Variants in CYP19A1 observed in about 807,000 individuals in gnomAD.
CYP19A1 encodes the protein cytochrome P450 family 19 subfamily A member 1.
Under a neutral mutation model 44.4 loss-of-function variants are expected in CYP19A1, and 32 were observed. The observed-to-expected ratio is 0.72, with a 90% CI of 0.54 to 0.97. CYP19A1 has a LOEUF of 0.97. Among genes scored for constraint, CYP19A1 ranks in the 50% least tolerant of loss-of-function variants. The pLI, the probability that CYP19A1 is intolerant of heterozygous loss-of-function variation, is 0.00. For synonymous variants in CYP19A1, 212 were observed against 215.6 expected, an observed-to-expected ratio of 0.98 and a Z score of 0.14; for missense variants, 598 against 637.8, an observed-to-expected ratio of 0.94 and a Z score of 0.67.
Position 51,216,892 on chromosome 15 carries a change from T to G in CYP19A1, c.744-1075A>C, listed in dbSNP as rs577262253. 2.6e-5 allele frequency among the ~76,000 whole-genome samples: 4 copies of G among 152,278 alleles called. No individual in the cohort carries two copies. In the East Asian group the frequency reaches 7.7e-4, roughly 29 times the overall value. On this transcript the variant is annotated intron_variant, in intron 6 of 9. Coordinates refer to ENST00000396402, the MANE Select transcript of CYP19A1 (RefSeq NM_000103.4). ...TGGATGAAAAATAAAGTCACCTTAA[T>G]CTAAATTCAATTTTTCTTATCTCTG...
rs552400507 is a variant in CYP19A1, at chr15:51,272,751, G to GA, written c.-38-29802dup. Among the ~76,000 whole-genome samples, 649 of 152,298 alleles carry GA rather than the reference G, an allele frequency of 4.3e-3. 5 individuals are homozygous for GA. Among genetic ancestry groups the GA allele is most frequent in the African/African-American group, 0.015 (617 of 41,554 alleles). ...TATGAAGTTTGTAATTATTATAGGG[G>GA]AAAAAACTGGCCCAGCAGGAGAAAA... On this transcript the variant is annotated intron_variant, in intron 1 of 9. Coordinates refer to ENST00000396402, the MANE Select transcript of CYP19A1 (RefSeq NM_000103.4).
intron 1 of CYP19A1, among the ~76,000 whole-genome samples, chr15:51,281,666 C>A (rs566437648): frequency 6.6e-6 from 1 of 152,088 alleles, no homozygotes; most frequent in South Asian, 2.1e-4. Flanking sequence ...GCTTGGCTGG[C>A]CAGAGGTAAT....
rs117458876 is a variant in CYP19A1 at position 51,285,544 on chromosome 15, A to G, written c.-38-42594T>C. Among the ~76,000 whole-genome samples the G allele has an allele frequency of 3.3e-3, 506 of 152,318 alleles. 3 individuals are homozygous for G. Among genetic ancestry groups the G allele is most frequent in the Non-Finnish European group, 6.1e-3 (416 of 68,018 alleles). ...GAGGCAGGGTTTGCATGTCTGACAT[A>G]ATGTCCAGGGCTCGGCGCATAAAAC... On this transcript the variant is annotated intron_variant, in intron 1 of 9. Transcript: ENST00000396402.
At chr15:51,284,112 C>T (rs576593151) in intron 1 of CYP19A1, among the ~76,000 whole-genome samples, 1 of 152,228 alleles carries the variant, frequency 6.6e-6, no homozygotes, top group South Asian at 2.1e-4. Context: ...GGTCTGCCTC[C>T]CCAGGAGAAA....
At chr15:51,274,115 C>T (rs1047129058) in intron 1 of CYP19A1, among the ~76,000 whole-genome samples, 3 of 152,134 alleles carry the variant, frequency 2.0e-5, no homozygotes, top group African/African-American at 7.2e-5. Flanking sequence ...GGACTGGGCA[C>T]GTGCTGTCCA....
At chr15:51,286,651 T>C (rs1364361231) in intron 1 of CYP19A1, among the ~76,000 whole-genome samples, 3 of 152,156 alleles carry the variant, frequency 2.0e-5, no homozygotes, top group African/African-American at 4.8e-5. Context: ...CCTTCCACCA[T>C]GAGTACCCCC....
intron 1 of CYP19A1, among the ~76,000 whole-genome samples, chr15:51,292,801 A>G (rs939738600): frequency 6.7e-6 from 1 of 149,900 alleles, no homozygotes; most frequent in Non-Finnish European, 1.5e-5. Flanking sequence ...GTCCTTCTTC[A>G]TGGGCAGAAA....
At chr15:51,215,009 A>G (rs1488096776) in intron 8 of CYP19A1, 61 bp downstream of exon 8, 7 of 1,557,538 alleles carry the variant, frequency 4.5e-6, no homozygotes, top group Non-Finnish European at 6.1e-6. Flanking sequence ...TTAGGACATA[A>G]GAAATGGACA....
intron 4 of CYP19A1, 123 bp downstream of exon 4, chr15:51,227,656 G>C: frequency 5.1e-6 from 1 of 196,554 alleles, no homozygotes; most frequent in Non-Finnish European, 9.9e-6. Flanking sequence ...CTGGGTGATA[G>C]AGTCAGAGCC....
chr15:51,268,640 C>G (rs543227330), intron 1 of CYP19A1, among the ~76,000 whole-genome samples: 8 of 151,272 alleles, frequency 5.3e-5, no homozygotes, highest in African/African-American at 1.9e-4. Context: ...GGCTGTATAG[C>G]AGGTGTATAT....
chr15:51,255,617 A>G (rs1231619387), intron 1 of CYP19A1: 1 of 152,234 alleles, frequency 6.6e-6, no homozygotes, highest in Non-Finnish European at 1.5e-5. Context: ...TGGAATGGAA[A>G]CTGTCCATGA....
chr15:51,331,447 G>A (rs1449958719), intron 1 of CYP19A1, among the ~76,000 whole-genome samples: 4 of 152,190 alleles, frequency 2.6e-5, no homozygotes, highest in Admixed American at 1.3e-4. Flanking sequence ...AGGACAAGGG[G>A]CATTTTAGGG....
intron 1 of CYP19A1, among the ~76,000 whole-genome samples, chr15:51,331,690 A>AT (rs2036704331): frequency 6.6e-6 from 1 of 152,056 alleles, no homozygotes; most frequent in Non-Finnish European, 1.5e-5. Context: ...TGGCTTTACT[A>AT]TTTTTCACAT....
intron 5 of CYP19A1, among the ~76,000 whole-genome samples, chr15:51,220,134 G>C (rs549546948): frequency 2.0e-5 from 3 of 152,154 alleles, no homozygotes; most frequent in Non-Finnish European, 4.4e-5. Context: ...TTGTTCCTCC[G>C]CCTGGAGTGT....
chr15:51,222,716 T>C (rs1262738837), intron 4 of CYP19A1, among the ~76,000 whole-genome samples, 191 bp from the exon 5 acceptor site: 1 of 152,216 alleles, frequency 6.6e-6, no homozygotes, highest in Non-Finnish European at 1.5e-5. Flanking sequence ...TACTATCCTA[T>C]GGTTAAGAAT....
intron 2 of CYP19A1, among the ~76,000 whole-genome samples, chr15:51,239,704 A>AGT (rs1001501815): frequency 1.3e-5 from 2 of 151,904 alleles, no homozygotes; most frequent in Admixed American, 1.3e-4. Flanking sequence ...TGAGAGAGAG[A>AGT]GAGTGATTAC....
Position 51,231,656 on chromosome 15 carries a change from C to T in CYP19A1, c.297-3723G>A, listed in dbSNP as rs149959568. Among the ~76,000 whole-genome samples, 216 of 151,824 alleles carry T rather than the reference C, an allele frequency of 1.4e-3. 1 individual carries two copies. Among genetic ancestry groups the T allele is most frequent in the Admixed American group, 5.4e-3 (82 of 15,272 alleles). On this transcript the variant is annotated intron_variant, in intron 3 of 9. Coordinates refer to ENST00000396402, the MANE Select transcript of CYP19A1 (RefSeq NM_000103.4). ...ATGTGTGCGCATGTGTGTACGTTAG[C>T]GCACACGTGCCTGCTGTCAGGTCTC... is the stretch of plus-strand genomic sequence containing the variant.
chr15:51,241,454 C>T (rs1237323130), intron 2 of CYP19A1, among the ~76,000 whole-genome samples: 3 of 152,182 alleles, frequency 2.0e-5, no homozygotes. Flanking sequence ...CAATGCTGGA[C>T]TCTCCTGGCC....
chr15:51,226,090 G>GAA (rs55642133), intron 4 of CYP19A1, among the ~76,000 whole-genome samples: 4 of 44,408 alleles, frequency 9.0e-5, no homozygotes, highest in African/African-American at 1.9e-4. Context: ...CTCTGTCTCA[G>GAA]AAAAAAAAAA....
Sources: gnomAD v4.1 joint callset for allele counts (sites outside exome capture counted in the v4.1 genomes callset) on GRCh38, gnomAD v4.1.1 for gene constraint, MANE v1.5 for transcripts, NCBI Gene and HGNC (gene_info 2026-07-23, HGNC 2026-07-21) for gene names.